The following ITCH variants were observed in gnomAD, a reference collection of about 807,000 sequenced individuals.
ITCH encodes the protein E3 ubiquitin-protein ligase Itchy homolog.
In ITCH, 28 loss-of-function variants were observed where a neutral mutation model predicts 126.8. The ratio of observed to expected loss-of-function variants is 0.22; its 90% confidence interval spans 0.16 to 0.30. ITCH has a LOEUF of 0.30. ITCH is among the 10% of genes least tolerant of loss of function. ITCH has a pLI of 1.00. For synonymous variants in ITCH, 342 were observed against 340.0 expected, an observed-to-expected ratio of 1.01 and a Z score of -0.06; for missense variants, 631 against 1,032.4, an observed-to-expected ratio of 0.61 and a Z score of 5.33.
At chr20:34,438,787 GT>G (rs2146280896) in intron 8 of ITCH, among the ~76,000 whole-genome samples, 156 bp downstream of exon 8, 1 of 152,294 alleles carries the variant, frequency 6.6e-6, no homozygotes, top group Non-Finnish European at 1.5e-5. Context: ...GTAACCAAAA[GT>G]GCCTTTTTCC....
At chr20:34,489,485 AT>A in intron 21 of ITCH, 99 bp downstream of exon 21, 1 of 1,186,082 alleles carries the variant, frequency 8.4e-7, no homozygotes, top group Non-Finnish European at 1.2e-6. Context: ...TTACTGTAAT[AT>A]TTTTATACTG....
chr20:34,500,331 T>C (rs559468082), intron 23 of ITCH, among the ~76,000 whole-genome samples: 1 of 152,320 alleles, frequency 6.6e-6, no homozygotes, highest in African/African-American at 2.4e-5. Flanking sequence ...ATAATAATAT[T>C]TCCTTTTTAT....
intron 4 of ITCH, among the ~76,000 whole-genome samples, chr20:34,409,087 T>A (rs747131177): frequency 6.6e-6 from 1 of 151,862 alleles, no homozygotes; most frequent in Non-Finnish European, 1.5e-5. Context: ...CTAAAAAGAT[T>A]TCTGGCAGCA....
At chr20:34,503,866 T>G (rs13042236) in intron 23 of ITCH, among the ~76,000 whole-genome samples, 51,845 of 125,956 alleles carry the variant, frequency 0.41, 11,348 homozygotes, top group Non-Finnish European at 0.47. Context: ...TTTTTTTTTT[T>G]TTGGTTTTTT....
rs535231410 is a variant in ITCH at position 34,511,032 on chromosome 20, A to G, written c.*3238A>G. 3.3e-5 allele frequency: 5 copies of G among 152,232 alleles called. No individual in the cohort carries two copies. In the South Asian group the frequency reaches 1.0e-3, roughly 32 times the overall value. The allele number at this position is 152,232 out of a possible 1,614,324, so 9.4% of individuals were successfully genotyped here. On this transcript the variant is annotated 3_prime_UTR_variant, in exon 25 of 25. Coordinates refer to ENST00000374864, the MANE Select transcript of ITCH (RefSeq NM_031483.7). ...ACTCACGGAATTAAATTTTTCCTCT[A>G]TTTTTATATCCTTTCCTGTTGTGGA...
At chr20:34,372,086 C>T (rs1225879912) in intron 2 of ITCH, among the ~76,000 whole-genome samples, 1 of 151,720 alleles carries the variant, frequency 6.6e-6, no homozygotes, top group Non-Finnish European at 1.5e-5. Context: ...GCGGGCGGAT[C>T]ACGAGGTCAG....
At chr20:34,381,039 C>T (rs1202070864) in intron 2 of ITCH, among the ~76,000 whole-genome samples, 3 of 152,088 alleles carry the variant, frequency 2.0e-5, no homozygotes, top group Non-Finnish European at 4.4e-5. Flanking sequence ...CTACCTGCCT[C>T]AGCCTTTCGA....
chr20:34,369,265 G>A (rs573560851), intron 1 of ITCH, 129 bp from the exon 2 acceptor site: 217 of 375,844 alleles, frequency 5.8e-4, no homozygotes, highest in African/African-American at 4.2e-3. Context: ...CCCAGGAGGC[G>A]AAGGTTGGAG....
At chr20:34,488,287 T>G (rs915642973) in intron 20 of ITCH, among the ~76,000 whole-genome samples, 1 of 152,198 alleles carries the variant, frequency 6.6e-6, no homozygotes, top group East Asian at 1.9e-4. Flanking sequence ...TTCACCTTCA[T>G]TTTTTGAAGG....
chr20:34,485,333 CT>C (rs1219197845), intron 20 of ITCH, among the ~76,000 whole-genome samples: 1 of 152,080 alleles, frequency 6.6e-6, no homozygotes, highest in African/African-American at 2.4e-5. Context: ...AGGTGTTTGA[CT>C]TTATTAGAAA....
At chr20:34,454,890 C>A (rs1392371641) in intron 12 of ITCH, among the ~76,000 whole-genome samples, 1 of 134,648 alleles carries the variant, frequency 7.4e-6, no homozygotes, top group Non-Finnish European at 1.5e-5. Context: ...AGTGCAATGG[C>A]ATGATCTTGG....
At chr20:34,476,391 G>T in intron 16 of ITCH, 9 of 1,260,512 alleles carry the variant, frequency 7.1e-6, no homozygotes, top group Non-Finnish European at 9.0e-6. Flanking sequence ...CGCGGGACCC[G>T]GCGTGGTGCA....
At chr20:34,423,087 GC>G (rs1981005930) in intron 6 of ITCH, among the ~76,000 whole-genome samples, 2 of 152,032 alleles carry the variant, frequency 1.3e-5, no homozygotes, top group Admixed American at 1.3e-4. Flanking sequence ...GAGCCACCAC[GC>G]CCGGCCTCTA....
At chr20:34,446,814 AATCCTGGTTCC>A (rs1287365459) in intron 11 of ITCH, among the ~76,000 whole-genome samples, 1 of 152,228 alleles carries the variant, frequency 6.6e-6, no homozygotes. Context: ...TCTGGGTTCG[AATCCTGGTTCC>A]ACAGTTACTT....
At chr20:34,396,335 A>G (rs2038675687) in intron 3 of ITCH, among the ~76,000 whole-genome samples, 2 of 151,780 alleles carry the variant, frequency 1.3e-5, no homozygotes, top group Admixed American at 6.6e-5. Context: ...CACGGGCCCA[A>G]ATTATTTTTA....
chr20:34,415,763 C>G (rs1258423306), intron 6 of ITCH, among the ~76,000 whole-genome samples: 1 of 152,102 alleles, frequency 6.6e-6, no homozygotes, highest in Non-Finnish European at 1.5e-5. Flanking sequence ...GTTAAACTGC[C>G]CTAAACCTCA....
intron 2 of ITCH, among the ~76,000 whole-genome samples, chr20:34,375,456 T>C (rs1237558328): frequency 2.0e-5 from 3 of 151,714 alleles, no homozygotes; most frequent in African/African-American, 7.3e-5. Flanking sequence ...TGTTATGGGC[T>C]GGTCATGGTG....
Position 34,457,439 on chromosome 20 carries a change from A to C in ITCH, c.1260A>C (p.Thr420=). 6.2e-7 allele frequency: 1 copy of C among 1,613,556 alleles called. No individual in the cohort carries two copies. Among genetic ancestry groups the C allele is most frequent in the African/African-American group, 1.3e-5 (1 of 75,034 alleles). Residue 420 remains threonine (T), a synonymous_variant, in exon 13 of 25, where the codon ACA becomes ACC. Transcript: ENST00000374864. ...NGRVYFVNHN[T]RITQWEDPRS... is the part of the protein sequence containing the mutation. ...GAGTATATTTCGTCAACCACAACAC[A>C]CGAATTACACAATGGGAAGACCCCA...
intron 14 of ITCH, 85 bp from the exon 15 acceptor site, chr20:34,469,963 A>T: frequency 1.0e-6 from 1 of 993,350 alleles, no homozygotes; most frequent in Non-Finnish European, 1.6e-6. Context: ...GTAAGTGCTG[A>T]GAGAGGGTGG....
Sources: gnomAD v4.1 joint callset for allele counts (sites outside exome capture counted in the v4.1 genomes callset) on GRCh38, gnomAD v4.1.1 for gene constraint, MANE v1.5 for transcripts, NCBI Gene and HGNC (gene_info 2026-07-23, HGNC 2026-07-21) for gene names.